The following MAPK8IP2 variants were observed in gnomAD, a reference collection of about 807,000 sequenced individuals.
MAPK8IP2 encodes the protein mitogen-activated protein kinase 8 interacting protein 2, also known as C-Jun-amino-terminal kinase-interacting protein 2.
Under a neutral mutation model 75.6 loss-of-function variants are expected in MAPK8IP2, and 15 were observed. The observed-to-expected ratio is 0.20, with a 90% CI of 0.13 to 0.31. The LOEUF is 0.31. Among genes scored for constraint, MAPK8IP2 ranks in the 10% least tolerant of loss-of-function variants. The pLI, the probability that MAPK8IP2 is intolerant of heterozygous loss-of-function variation, is 1.00. For synonymous variants in MAPK8IP2, 632 were observed against 554.5 expected (o/e 1.14, Z -1.96); for missense variants, 1,089 against 1,211.2 (o/e 0.90, Z 1.50).
At chr22:50,601,936 G>A in intron 2 of MAPK8IP2, 42 bp downstream of exon 2, 1 of 1,510,970 alleles carries the variant, frequency 6.6e-7, no homozygotes, top group Admixed American at 1.7e-5. Context: ...TCAAGGGAGG[G>A]CCTCATTAGG....
Position 50,604,240 on chromosome 22 carries a change from C to A in MAPK8IP2, c.941C>A (p.Pro314Gln). 1 of 1,563,458 alleles carries A rather than the reference C, an allele frequency of 6.4e-7. No individual in the cohort carries two copies. The highest frequency in any genetic ancestry group is 2.3e-5 in the East Asian group (1 of 42,676). Residue 314 changes from proline to glutamine, a missense_variant, in exon 5 of 12, where the codon CCG becomes CAG. Transcript: ENST00000329492. ...GAGCCGGAGCCCCCGCGCGAACCCC[C>A]GCGCCGCCCCGCCTTCCTGCCCGTG... ...ASEPEPPREP[P>Q]RRPAFLPVGP...
In MAPK8IP2 at chr22:50,604,244, C is replaced by G. The variant is rs748840243; in HGVS notation, c.945C>G (p.Arg315=). 6.4e-7 allele frequency: 1 copy of G among 1,564,600 alleles called. No homozygotes were observed. The highest frequency in any genetic ancestry group is 1.4e-5 in the African/African-American group (1 of 73,856). ...SEPEPPREPP[R]RPAFLPVGPD... Reference sequence around the variant, plus strand: ...CGGAGCCCCCGCGCGAACCCCCGCGCCGCCCCGCCTTCCTGCCCGTGGGCC... The same window carrying G: ...CGGAGCCCCCGCGCGAACCCCCGCGGCGCCCCGCCTTCCTGCCCGTGGGCC... Residue 315 remains arginine (R), a synonymous_variant, in exon 5 of 12, where the codon CGC becomes CGG. Transcript: ENST00000329492.
rs932329890 is a variant in MAPK8IP2 at position 50,601,992 on chromosome 22, G to A, written c.171+98G>A. The A allele has an allele frequency of 4.2e-6, 4 of 960,090 alleles. No individual in the cohort carries two copies. In the Admixed American group the frequency reaches 7.6e-5, roughly 18 times the overall value. The allele number at this position is 960,090 out of a possible 1,614,324, so 59.5% of individuals were successfully genotyped here. On this transcript the variant is annotated intron_variant, in intron 2 of 11. Transcript: ENST00000329492. Reference sequence around the variant, plus strand: ...GGGTTTTAGGGTGGGTGTGAGCTCAGCCTTGAACCGGGGACTCCTCTGATG... The same window carrying A: ...GGGTTTTAGGGTGGGTGTGAGCTCAACCTTGAACCGGGGACTCCTCTGATG...
At position 50,603,490 on chromosome 22, in the gene MAPK8IP2, G is replaced by A. The variant is rs1230139254; in HGVS notation, c.439G>A (p.Gly147Arg). The change falls in exon 3 of 12, where the codon GGG becomes AGG. Residue 147 changes from glycine to arginine, a missense_variant. This residue lies in a region of MAPK8IP2 where 960 missense variants were observed against 1,009.6 expected (regional missense o/e 0.95). Coordinates refer to ENST00000329492, the MANE Select transcript of MAPK8IP2 (RefSeq NM_012324.6). ...CACCACCCTCCGTCTGACCACACTG[G>A]GGGCCCAGGTGAGTGCCCGGACCCA... ...RPTTLRLTTL[G>R]AQDSLNNNGG... The A allele has an allele frequency of 1.3e-6, 2 of 1,562,330 alleles. No homozygotes were observed. The highest frequency in any genetic ancestry group is 8.7e-7 in the Non-Finnish European group (1 of 1,150,404).
chr22:50,603,118 G>A (rs1347925828), intron 2 of MAPK8IP2, 105 bp from the exon 3 acceptor site: 16 of 1,592,186 alleles, frequency 1.0e-5, no homozygotes, highest in Non-Finnish European at 1.4e-5. Flanking sequence ...GCTGGAAGGG[G>A]CTCTCCTTTG....
rs1386936112 is a variant in MAPK8IP2, at chr22:50,603,900, C to T, written c.601C>T (p.Arg201Cys). The T allele has an allele frequency of 3.3e-5, 50 of 1,536,364 alleles. No homozygotes were observed. The highest frequency in any genetic ancestry group is 4.3e-5 in the Non-Finnish European group (49 of 1,144,624). Residue 201 changes from arginine to cysteine, a missense_variant, in exon 5 of 12, where the codon CGC becomes TGC. This residue lies in a region of MAPK8IP2 where 960 missense variants were observed against 1,009.6 expected (regional missense o/e 0.95). Transcript: ENST00000329492. ...TGPGGAQSPV[R>C]PGCDCEGNRP... ...GCCCGGCGGGGCGCAGTCGCCAGTG[C>T]GCCCGGGTTGCGACTGCGAAGGGAA...
Position 50,604,577 on chromosome 22 carries a change from A to T in MAPK8IP2, c.1278A>T (p.Arg426=). ...APPPPAPAAP[R]PGPAQPGPCL... ...CGCCGCCCGCGCCCGCCGCGCCTCG[A>T]CCCGGCCCCGCGCAGCCCGGGCCCT... The change falls in exon 5 of 12, where the codon CGA becomes CGT. Residue 426 remains arginine, a synonymous_variant. Transcript: ENST00000329492. 1 of 1,280,216 alleles carries T rather than the reference A, an allele frequency of 7.8e-7. No homozygotes were observed. 79.3% of individuals were successfully genotyped at this position (1,280,216 alleles called of 1,614,324 possible).
rs771423266 is a variant in MAPK8IP2, at chr22:50,603,149, C to G, written c.172-74C>G. The G allele has an allele frequency of 5.0e-6, 8 of 1,606,852 alleles. No individual in the cohort carries two copies. In the South Asian group the frequency reaches 8.9e-5, roughly 18 times the overall value. On this transcript the variant is annotated intron_variant, in intron 2 of 11. Coordinates refer to ENST00000329492, the MANE Select transcript of MAPK8IP2 (RefSeq NM_012324.6). ...CTTTGACTGATGCTCCCCGATTTCCCTTCTCCTAGCACCTGGGCCCCTGGG... is the reference window on the plus strand; with the variant it reads ...CTTTGACTGATGCTCCCCGATTTCCGTTCTCCTAGCACCTGGGCCCCTGGG...
chr22:50,610,337 C>T lies in MAPK8IP2; in HGVS notation c.2402+27C>T, dbSNP rs942020244. 1.9e-5 allele frequency: 30 copies of T among 1,563,940 alleles called. No individual in the cohort carries two copies. Among genetic ancestry groups the T allele is most frequent in the Non-Finnish European group, 2.4e-5 (28 of 1,148,134 alleles). ...TGAGTGGGGCCCCAGGGTGTGGGTG[C>T]AGAATGGGTGCAGGGTTACGGAGGT... On this transcript the variant is annotated intron_variant, in intron 11 of 11. Transcript: ENST00000329492. This position sits in a 1 kb window ranked among gnomAD's most constrained non-coding sequence, Gnocchi z 4.3.
At position 50,603,321 on chromosome 22, in the gene MAPK8IP2, G is replaced by GGACGATGAGGAC; in HGVS notation, c.273_284dup (p.Asp91_Asp94dup). On this transcript the variant is annotated inframe_insertion, in exon 3 of 12. Coordinates refer to ENST00000329492, the MANE Select transcript of MAPK8IP2 (RefSeq NM_012324.6). ...AGATGATCGATGACAATGAAGAGGA[G>GGACGATGAGGAC]GACGATGAGGACGAGGAAGAGGAGG... 2.6e-6 allele frequency: 4 copies of GGACGATGAGGAC among 1,559,524 alleles called. No homozygotes were observed. The highest frequency in any genetic ancestry group is 3.5e-6 in the Non-Finnish European group (4 of 1,154,724).
Position 50,613,550 on chromosome 22 carries a change from C to G in MAPK8IP2, c.*2771C>G, listed in dbSNP as rs1259423969. On this transcript the variant is annotated 3_prime_UTR_variant, in exon 12 of 12. Coordinates refer to ENST00000329492, the MANE Select transcript of MAPK8IP2 (RefSeq NM_012324.6). ...CACTGCACCTGCAAATCCACTTGCA[C>G]CCACACCCAGGCCAGGGTTTTTAAA... The G allele has an allele frequency of 6.6e-6, 1 of 152,258 alleles. No homozygotes were observed. Among genetic ancestry groups the G allele is most frequent in the Non-Finnish European group, 1.5e-5 (1 of 68,108 alleles). 9.4% of individuals were successfully genotyped at this position (152,258 alleles called of 1,614,324 possible). A position where few individuals can be genotyped will look rare whatever the true frequency, so the allele number is the denominator to read the frequency against.
In MAPK8IP2 at chr22:50,612,132, A is replaced by C. The variant is rs1603444533; in HGVS notation, c.*1353A>C. 6.6e-6 allele frequency: 1 copy of C among 152,282 alleles called. No homozygotes were observed. Among genetic ancestry groups the C allele is most frequent in the Non-Finnish European group, 1.5e-5 (1 of 68,076 alleles). 9.4% of individuals were successfully genotyped at this position (152,282 alleles called of 1,614,324 possible). A position where few individuals can be genotyped will look rare whatever the true frequency, so the allele number is the denominator to read the frequency against. On this transcript the variant is annotated 3_prime_UTR_variant, in exon 12 of 12. Coordinates refer to ENST00000329492, the MANE Select transcript of MAPK8IP2 (RefSeq NM_012324.6). ...GGTTGCAGTGAGCCAAGATTGCACC[A>C]CTGCACTCCAGCCTGGGCGACAGAG... is the stretch of plus-strand genomic sequence containing the variant.
intron 2 of MAPK8IP2, 133 bp downstream of exon 2, chr22:50,602,027 C>A: frequency 1.5e-6 from 1 of 682,040 alleles, no homozygotes; most frequent in Non-Finnish European, 2.6e-6. Flanking sequence ...GGCTCCTCCC[C>A]ACTTAACCCT....
chr22:50,610,240 C>T lies in MAPK8IP2; in HGVS notation c.2332C>T (p.Leu778=), dbSNP rs374439939. 3 of 1,602,822 alleles carry T rather than the reference C, an allele frequency of 1.9e-6. No individual in the cohort carries two copies. Among genetic ancestry groups the T allele is most frequent in the African/African-American group, 1.3e-5 (1 of 74,710 alleles). The change falls in exon 11 of 12, where the codon CTG becomes TTG. Residue 778 remains leucine, a synonymous_variant. Coordinates refer to ENST00000329492, the MANE Select transcript of MAPK8IP2 (RefSeq NM_012324.6). The surrounding 1 kb of genome is among the most constrained non-coding windows in gnomAD (Gnocchi z 4.3). ...TTTCGGCTTCATCACCAAACACCCC[C>T]TGCTGAGCCGCTTCGCCTGCCACGT... ...CYFGFITKHP[L]LSRFACHVFV...
chr22:50,603,200 T>C (rs1384267381), intron 2 of MAPK8IP2, 23 bp from the exon 3 acceptor site: 32 of 1,612,374 alleles, frequency 2.0e-5, no homozygotes, highest in Non-Finnish European at 2.7e-5. Flanking sequence ...GGCCCAGCCC[T>C]GCTATCTCCC....
chr22:50,604,191 G>A lies in MAPK8IP2; in HGVS notation c.892G>A (p.Glu298Lys), dbSNP rs2070997042. ...CTCCTCGCACCTCACCAACTCCATC[G>A]AGGAGGCCTCGTCGCCCGCCTCGGA... ...GRSSHLTNSI[E>K]EASSPASEPE... The change falls in exon 5 of 12, where the codon GAG (glutamate) becomes AAG (lysine). Residue 298 changes from glutamate (E) to lysine (K), a missense_variant. Physicochemically the swap from Glu to Lys is moderately conservative, Grantham distance 56. Transcript: ENST00000329492. 6.5e-7 allele frequency: 1 copy of A among 1,546,234 alleles called. No homozygotes were observed. The highest frequency in any genetic ancestry group is 8.7e-7 in the Non-Finnish European group (1 of 1,153,844).
At chr22:50,605,120 G>GC in intron 5 of MAPK8IP2, 56 bp downstream of exon 5, 2 of 1,592,874 alleles carry the variant, frequency 1.3e-6, no homozygotes, top group East Asian at 4.5e-5. Context: ...AGACTCCCTG[G>GC]CCCCAGTCCC....
At position 50,607,443 on chromosome 22, in the gene MAPK8IP2, G is replaced by A. The variant is rs1287479644; in HGVS notation, c.2303+452G>A. Among the ~76,000 whole-genome samples, 2 of 152,136 alleles carry A rather than the reference G, an allele frequency of 1.3e-5. No individual in the cohort carries two copies. Among genetic ancestry groups the A allele is most frequent in the Non-Finnish European group, 2.9e-5 (2 of 68,020 alleles). On this transcript the variant is annotated intron_variant, in intron 10 of 11. Coordinates refer to ENST00000329492, the MANE Select transcript of MAPK8IP2 (RefSeq NM_012324.6). The surrounding 1 kb of genome is among the most constrained non-coding windows in gnomAD (Gnocchi z 5.6). ...CAGCTAGAAATGCCGGGGAAGACCT[G>A]GACCCTTTTGATTATGCCAAGGAGC...
chr22:50,603,694 C>T lies in MAPK8IP2; in HGVS notation c.516C>T (p.Cys172=), dbSNP rs767103336. 3 of 1,580,408 alleles carry T rather than the reference C, an allele frequency of 1.9e-6. No individual in the cohort carries two copies. Among genetic ancestry groups the T allele is most frequent in the Non-Finnish European group, 2.6e-6 (3 of 1,163,518 alleles). ...CCTCCTGGCAGGAGACAGCGCTATGCTCACCCGCCCCGGAGGCCCTCAGAG... is the reference window on the plus strand; with the variant it reads ...CCTCCTGGCAGGAGACAGCGCTATGTTCACCCGCCCCGGAGGCCCTCAGAG... ...RPASWQETAL[C]SPAPEALREL... Residue 172 remains cysteine, a synonymous_variant, in exon 4 of 12, where the codon TGC becomes TGT. Transcript: ENST00000329492.
Sources: allele counts gnomAD v4.1 joint callset (sites outside exome capture counted in the v4.1 genomes callset), GRCh38; gene constraint gnomAD v4.1.1; regional missense constraint gnomAD v4.1.1; non-coding constraint Gnocchi (gnomAD v3.1); transcripts MANE v1.5; gene names NCBI Gene and HGNC (gene_info 2026-07-23, HGNC 2026-07-21).